LZTFL1: variants seen among roughly 807,000 people sequenced by gnomAD.
LZTFL1 encodes the protein leucine zipper transcription factor-like protein 1.
Under a neutral mutation model 45.9 loss-of-function variants are expected in LZTFL1, and 25 were observed. The ratio of observed to expected loss-of-function variants is 0.54; its 90% confidence interval spans 0.40 to 0.76. LZTFL1 has a LOEUF of 0.76. LZTFL1 is among the 30% of genes least tolerant of loss of function. The pLI, the probability that LZTFL1 is intolerant of heterozygous loss-of-function variation, is 0.00. For missense variants in LZTFL1, 277 were observed against 331.1 expected, an observed-to-expected ratio of 0.84 and a Z score of 1.27; for synonymous variants, 93 against 117.4, an observed-to-expected ratio of 0.79 and a Z score of 1.35.
chr3:45,840,347 T>C (rs1469737144), intron 1 of LZTFL1, among the ~76,000 whole-genome samples: 1 of 152,260 alleles, frequency 6.6e-6, no homozygotes, highest in Non-Finnish European at 1.5e-5. Context: ...TATATGTATC[T>C]ATGTCAAATC....
intron 2 of LZTFL1, among the ~76,000 whole-genome samples, chr3:45,876,793 A>G (rs999802578): frequency 6.6e-6 from 1 of 152,184 alleles, no homozygotes. Flanking sequence ...AGGGTGGTGA[A>G]AAGTTCAAGA....
chr3:45,854,611 G>A (rs180680002), intron 4 of LZTFL1: 56 of 156,278 alleles, frequency 3.6e-4, no homozygotes, highest in African/African-American at 1.3e-3. Flanking sequence ...CTTCTCATTT[G>A]CATTCCCAAT....
intron 2 of LZTFL1, among the ~76,000 whole-genome samples, chr3:45,861,845 G>C (rs1164184896): frequency 1.3e-5 from 2 of 152,142 alleles, no homozygotes; most frequent in African/African-American, 4.8e-5. Flanking sequence ...TCTATTTATG[G>C]AAGCCAAAAG....
At chr3:45,897,461 CTT>C in intron 2 of LZTFL1, 1 of 757,388 alleles carries the variant, frequency 1.3e-6, no homozygotes, top group Non-Finnish European at 2.3e-6. Flanking sequence ...GGGATTCAGT[CTT>C]GGGAGTGTTA....
At chr3:45,895,713 TA>T (rs35514118) in intron 2 of LZTFL1, among the ~76,000 whole-genome samples, 5,219 of 139,456 alleles carry the variant, frequency 0.037, 106 homozygotes, top group Admixed American at 0.12. Context: ...GACTCTGTCT[TA>T]AAAAAAAAAA....
chr3:45,876,970 G>C (rs968287544), intron 2 of LZTFL1, among the ~76,000 whole-genome samples: 2 of 152,116 alleles, frequency 1.3e-5, no homozygotes, highest in Non-Finnish European at 2.9e-5. Flanking sequence ...CTGGACACAA[G>C]ACAGCAGGGA....
intron 2 of LZTFL1, among the ~76,000 whole-genome samples, chr3:45,861,194 C>A (rs1331405025): frequency 7.2e-6 from 1 of 139,288 alleles, no homozygotes; most frequent in Admixed American, 7.6e-5. Flanking sequence ...TTTTGAAAGA[C>A]TGTGAAGAAG....
rs139341435 is a variant in LZTFL1 at position 45,906,078 on chromosome 3, C to T, written c.-215+7042G>A. On this transcript the variant is annotated intron_variant, in intron 2 of 4. Transcript: ENST00000472635. The stretch of plus-strand genomic sequence containing the variant: ...CCAGCTCAGTACCTCCTAGAGAAGT[C>T]GTCCTGCAACAATTTTCTCACCAGG... Among the ~76,000 whole-genome samples, 409 of 152,256 alleles carry T rather than the reference C, an allele frequency of 2.7e-3. 7 individuals are homozygous for T. Among genetic ancestry groups the T allele is most frequent in the Middle Eastern group, 0.02 (6 of 294 alleles).
Position 45,901,365 on chromosome 3 carries a change from T to C in LZTFL1, c.-215+11755A>G, listed in dbSNP as rs1233332581. The C allele has an allele frequency of 3.1e-6, 5 of 1,614,064 alleles. No individual in the cohort carries two copies. Among genetic ancestry groups the C allele is most frequent in the Non-Finnish European group, 4.2e-6 (5 of 1,180,028 alleles). On this transcript the variant is annotated intron_variant, in intron 2 of 4. Coordinates refer to the LZTFL1 transcript ENST00000472635. This position sits in a 1 kb window ranked among gnomAD's most constrained non-coding sequence, Gnocchi z 4.3. Reference sequence around the variant, plus strand: ...CTTATACAGCCAAATCAAGGAGGAATCCGGCATTGCTATCTGCACCATGGT... The same window carrying C: ...CTTATACAGCCAAATCAAGGAGGAACCCGGCATTGCTATCTGCACCATGGT...
At chr3:45,899,115 G>A (rs112429621) in intron 2 of LZTFL1, among the ~76,000 whole-genome samples, 21 of 152,218 alleles carry the variant, frequency 1.4e-4, no homozygotes, top group Non-Finnish European at 2.6e-4. Flanking sequence ...GCAGTGAGCC[G>A]AGATGGCGCC....
chr3:45,911,690 C>T (rs529411656), intron 2 of LZTFL1, among the ~76,000 whole-genome samples: 2 of 152,366 alleles, frequency 1.3e-5, no homozygotes, highest in Admixed American at 1.3e-4. Context: ...GGAACTCTGG[C>T]CATATTGTGG....
chr3:45,901,511 G>C lies in LZTFL1; in HGVS notation c.-215+11609C>G, dbSNP rs1233090719. On this transcript the variant is annotated intron_variant, in intron 2 of 4. Transcript: ENST00000472635. The surrounding 1 kb of genome is among the most constrained non-coding windows in gnomAD (Gnocchi z 4.3). The stretch of plus-strand genomic sequence containing the variant: ...GCTATACCATCATCATTCACACCCT[G>C]ATACAAGCCAAGAAGTCTTCCAAGC... The C allele has an allele frequency of 6.2e-7, 1 of 1,614,000 alleles. No individual in the cohort carries two copies. Among genetic ancestry groups the C allele is most frequent in the Admixed American group, 1.7e-5 (1 of 59,988 alleles).
intron 2 of LZTFL1, among the ~76,000 whole-genome samples, chr3:45,893,131 C>A (rs994597069): frequency 1.3e-5 from 2 of 152,006 alleles, no homozygotes; most frequent in African/African-American, 4.8e-5. Flanking sequence ...TGCCCTCCCA[C>A]ACTCCCCTTC....
intron 2 of LZTFL1, among the ~76,000 whole-genome samples, chr3:45,876,086 G>T (rs1373779503): frequency 6.6e-6 from 1 of 152,188 alleles, no homozygotes; most frequent in African/African-American, 2.4e-5. Flanking sequence ...GATAAAGTTC[G>T]TAAAGCTCTT....
At chr3:45,913,250 A>C in intron 1 of LZTFL1, 3 of 1,097,080 alleles carry the variant, frequency 2.7e-6, no homozygotes, top group Non-Finnish European at 4.0e-6. Flanking sequence ...TGCTGCAATG[A>C]GCTGATCTTT....
At chr3:45,906,909 A>G (rs1702693206) in intron 2 of LZTFL1, among the ~76,000 whole-genome samples, 1 of 152,134 alleles carries the variant, frequency 6.6e-6, no homozygotes, top group African/African-American at 2.4e-5. Flanking sequence ...CCTCTCTCTC[A>G]GATGCAAGAC....
At chr3:45,849,545 A>T (rs1701275114) in intron 4 of LZTFL1, among the ~76,000 whole-genome samples, 1 of 152,232 alleles carries the variant, frequency 6.6e-6, no homozygotes, top group African/African-American at 2.4e-5. Context: ...TAGTGCTACC[A>T]TTGAAGCTAA....
intron 4 of LZTFL1, among the ~76,000 whole-genome samples, chr3:45,848,377 T>G (rs1701251817): frequency 6.6e-6 from 1 of 152,248 alleles, no homozygotes; most frequent in Non-Finnish European, 1.5e-5. Flanking sequence ...TATCATGACT[T>G]TGCTTACTGG....
rs149653558 is a variant in LZTFL1, at chr3:45,828,950, C to T, written c.601-335G>A. Among the ~76,000 whole-genome samples the T allele has an allele frequency of 9.2e-3, 1,391 of 151,682 alleles. 28 individuals are homozygous for T. The highest frequency in any genetic ancestry group is 0.032 in the African/African-American group (1,309 of 41,330). ...GGCAAACAGGTTTCATTTTGAAAAG[C>T]CAAATTTAAAAAAATCCTCAAAGAA... On this transcript the variant is annotated intron_variant, in intron 7 of 9. Transcript: ENST00000296135.
Sources: allele counts gnomAD v4.1 joint callset (sites outside exome capture counted in the v4.1 genomes callset), GRCh38; gene constraint gnomAD v4.1.1; non-coding constraint Gnocchi (gnomAD v3.1); transcripts MANE v1.5; gene names NCBI Gene and HGNC (gene_info 2026-07-23, HGNC 2026-07-21).